The following MTA3 variants were observed in gnomAD, a reference collection of about 807,000 sequenced individuals.
MTA3 encodes metastasis associated 1 family member 3, also known as metastasis-associated protein MTA3.
Under a neutral mutation model 83.5 loss-of-function variants are expected in MTA3, and 34 were observed. The observed-to-expected ratio is 0.41, with a 90% CI of 0.31 to 0.54. The LOEUF is 0.54. Ranked by LOEUF, MTA3 falls within the 20% of genes least tolerant of loss-of-function variation. MTA3 has a pLI of 0.33. For missense variants in MTA3, 761 were observed against 726.4 expected, an observed-to-expected ratio of 1.05 and a Z score of -0.55; for synonymous variants, 303 against 252.7, an observed-to-expected ratio of 1.20 and a Z score of -1.89.
chr2:42,622,563 C>T (rs1286641388), intron 4 of MTA3, among the ~76,000 whole-genome samples: 1 of 152,066 alleles, frequency 6.6e-6, no homozygotes, highest in Non-Finnish European at 1.5e-5. Flanking sequence ...GTTTTAATTT[C>T]AACATGGTAA....
intron 3 of MTA3, among the ~76,000 whole-genome samples, chr2:42,585,199 C>A (rs960651932): frequency 6.6e-6 from 1 of 152,148 alleles, no homozygotes; most frequent in Non-Finnish European, 1.5e-5. Flanking sequence ...AGGCAATTCC[C>A]TGCCTCAGCC....
chr2:42,540,374 A>C (rs908518517), intron 2 of MTA3, among the ~76,000 whole-genome samples: 6 of 151,410 alleles, frequency 4.0e-5, no homozygotes, highest in Non-Finnish European at 7.4e-5. Flanking sequence ...GGGGTCTTCT[A>C]TGTTGCCCAA....
At chr2:42,582,727 C>T (rs553199874) in intron 3 of MTA3, among the ~76,000 whole-genome samples, 98 of 152,298 alleles carry the variant, frequency 6.4e-4, no homozygotes, top group Non-Finnish European at 1.1e-3. Flanking sequence ...CTCAGCATGA[C>T]AGCATCTTGG....
chr2:42,678,377 G>A (rs993703168), intron 8 of MTA3, among the ~76,000 whole-genome samples: 4 of 151,916 alleles, frequency 2.6e-5, no homozygotes, highest in South Asian at 4.2e-4. Flanking sequence ...TCACTCTGCC[G>A]CCCAGGCTGG....
intron 2 of MTA3, among the ~76,000 whole-genome samples, chr2:42,553,850 G>A (rs547889600): frequency 1.8e-4 from 23 of 126,532 alleles, no homozygotes; most frequent in East Asian, 2.3e-4. Flanking sequence ...CAGCCTGGGC[G>A]ACAGAGCAAG....
At chr2:42,524,481 T>TGTTG (rs1553337470) in intron 2 of MTA3, among the ~76,000 whole-genome samples, 6 of 130,282 alleles carry the variant, frequency 4.6e-5, no homozygotes, top group Non-Finnish European at 9.4e-5. Flanking sequence ...TGTTTTTTTT[T>TGTTG]TTTTTTTTTT....
chr2:42,754,111 C>T lies in MTA3; in HGVS notation c.*712C>T. On this transcript the variant is annotated 3_prime_UTR_variant, in exon 17 of 17. Coordinates refer to ENST00000405094, the MANE Select transcript of MTA3 (RefSeq NM_001330442.2). ...TGGTTGGAGAGAAACTGGTGTTCTG[C>T]CCGGCTCTGCTTGGTCACAGACAGC... The T allele has an allele frequency of 1.0e-6, 1 of 985,484 alleles. No individual in the cohort carries two copies. The highest frequency in any genetic ancestry group is 1.2e-6 in the Non-Finnish European group (1 of 829,974). The allele number at this position is 985,484 out of a possible 1,614,324, so 61.0% of individuals were successfully genotyped here.
At chr2:42,729,352 C>T (rs558502470) in intron 16 of MTA3, among the ~76,000 whole-genome samples, 3 of 152,156 alleles carry the variant, frequency 2.0e-5, no homozygotes, top group East Asian at 1.9e-4. Context: ...CCACCTGCCT[C>T]GGTCTCCCAA....
At chr2:42,495,674 G>A (rs1042756092) in intron 2 of MTA3, among the ~76,000 whole-genome samples, 1 of 152,082 alleles carries the variant, frequency 6.6e-6, no homozygotes, top group African/African-American at 2.4e-5. Context: ...GAAACAATGG[G>A]GATCTCAACT....
At chr2:42,724,277 A>AAAAC (rs1553396460) in intron 16 of MTA3, among the ~76,000 whole-genome samples, 1 of 73,182 alleles carries the variant, frequency 1.4e-5, no homozygotes, top group African/African-American at 6.1e-5. Flanking sequence ...AGTCCTGAAA[A>AAAAC]ACACACACAC....
At chr2:42,536,823 C>T (rs1291033368) in intron 2 of MTA3, among the ~76,000 whole-genome samples, 2 of 142,288 alleles carry the variant, frequency 1.4e-5, no homozygotes, top group African/African-American at 5.4e-5. Context: ...TGTGCCACTG[C>T]ACTCCAGCCT....
At chr2:42,519,737 A>T (rs1460732636) in intron 2 of MTA3, among the ~76,000 whole-genome samples, 2 of 152,126 alleles carry the variant, frequency 1.3e-5, no homozygotes, top group Non-Finnish European at 2.9e-5. Flanking sequence ...CTTCATCTGT[A>T]CAAATAAAAA....
intron 2 of MTA3, among the ~76,000 whole-genome samples, chr2:42,547,062 GTCTATGGAGGAAC>G (rs1193687743): frequency 6.6e-6 from 1 of 152,186 alleles, no homozygotes; most frequent in Non-Finnish European, 1.5e-5. Flanking sequence ...GATGACTACA[GTCTATGGAGGAAC>G]TTTATAAAAT....
chr2:42,541,032 T>A (rs1676495698), intron 2 of MTA3, among the ~76,000 whole-genome samples: 2 of 140,440 alleles, frequency 1.4e-5, no homozygotes, highest in South Asian at 2.3e-4. Flanking sequence ...TTACTTCAAA[T>A]TTTTTTTTTT....
At chr2:42,725,129 A>G (rs1420333283) in intron 16 of MTA3, among the ~76,000 whole-genome samples, 1 of 152,252 alleles carries the variant, frequency 6.6e-6, no homozygotes, top group Non-Finnish European at 1.5e-5. Flanking sequence ...GAGTTCTCTC[A>G]TTTAATTCAC....
At chr2:42,505,184 G>A (rs1234545577) in intron 2 of MTA3, among the ~76,000 whole-genome samples, 1 of 152,072 alleles carries the variant, frequency 6.6e-6, no homozygotes, top group African/African-American at 2.4e-5. Flanking sequence ...ACGAGGTCAG[G>A]AGATTGAGGC....
chr2:42,754,080 G>T lies in MTA3; in HGVS notation c.*681G>T. 1 of 985,470 alleles carries T rather than the reference G, an allele frequency of 1.0e-6. No homozygotes were observed. Among genetic ancestry groups the T allele is most frequent in the Non-Finnish European group, 1.2e-6 (1 of 829,970 alleles). The allele number at this position is 985,470 out of a possible 1,614,324, so 61.0% of individuals were successfully genotyped here. A position where few individuals can be genotyped will look rare whatever the true frequency, so the allele number is the denominator to read the frequency against. ...ATAAGCCTGTAAACTCATCATCTGT[G>T]TTTTGTGGTTGGAGAGAAACTGGTG... On this transcript the variant is annotated 3_prime_UTR_variant, in exon 17 of 17. Transcript: ENST00000405094.
chr2:42,752,951 G>T (rs1030018138), intron 16 of MTA3, among the ~76,000 whole-genome samples: 2 of 150,302 alleles, frequency 1.3e-5, no homozygotes, highest in South Asian at 2.1e-4. Context: ...TTCAGACAGG[G>T]TCTTGCTCTG....
chr2:42,589,644 C>G (rs940944779), intron 3 of MTA3, among the ~76,000 whole-genome samples: 1 of 152,164 alleles, frequency 6.6e-6, no homozygotes, highest in Admixed American at 6.6e-5. Flanking sequence ...CCTCTGCCTT[C>G]CAGGTTCAAG....
Sources: gnomAD v4.1 joint callset for allele counts (sites outside exome capture counted in the v4.1 genomes callset) on GRCh38, gnomAD v4.1.1 for gene constraint, MANE v1.5 for transcripts, NCBI Gene and HGNC (gene_info 2026-07-23, HGNC 2026-07-21) for gene names.